Variants in SP3 observed in about 807,000 individuals in gnomAD.
The protein encoded by SP3 is transcription factor Sp3.
Under a neutral mutation model 70.3 loss-of-function variants are expected in SP3, and 10 were observed. The observed-to-expected ratio is 0.14, with a 90% CI of 0.09 to 0.24. The LOEUF is 0.24. Ranked by LOEUF, SP3 falls within the 10% of genes least tolerant of loss-of-function variation. SP3 has a pLI of 1.00. For synonymous variants in SP3, 402 were observed against 333.5 expected (o/e 1.21, Z -2.24); for missense variants, 825 against 914.6 (o/e 0.90, Z 1.26).
At chr2:173,944,220 C>A (rs890754500) in intron 4 of SP3, among the ~76,000 whole-genome samples, 3 of 152,188 alleles carry the variant, frequency 2.0e-5, no homozygotes, top group African/African-American at 7.2e-5. Context: ...AACAACGTCA[C>A]ATGTTAAGTA....
In SP3 at chr2:173,903,115, G is replaced by T. The variant is rs1471299492; in HGVS notation, c.*6826C>A. Reference sequence around the variant, plus strand: ...GTGGATCAAGGTGACTTAACAAGGTGAATTAACTCATTAATACAACAATAG... The same window carrying T: ...GTGGATCAAGGTGACTTAACAAGGTTAATTAACTCATTAATACAACAATAG... On this transcript the variant is annotated 3_prime_UTR_variant, in exon 7 of 7. Coordinates refer to ENST00000310015, the MANE Select transcript of SP3 (RefSeq NM_003111.5). Among the ~76,000 whole-genome samples the T allele has an allele frequency of 3.3e-5, 5 of 152,190 alleles. No homozygotes were observed. The highest frequency in any genetic ancestry group is 4.4e-5 in the Non-Finnish European group (3 of 68,032).
At chr2:173,935,908 T>C (rs1574411406) in intron 4 of SP3, among the ~76,000 whole-genome samples, 1 of 144,248 alleles carries the variant, frequency 6.9e-6, no homozygotes, top group East Asian at 1.9e-4. Flanking sequence ...GATTCATCTC[T>C]TGTATTCCTG....
rs1014972524 is a variant in SP3, at chr2:173,904,803, C to A, written c.*5138G>T. 6.6e-6 allele frequency among the ~76,000 whole-genome samples: 1 copy of A among 152,176 alleles called. No homozygotes were observed. Among genetic ancestry groups the A allele is most frequent in the Non-Finnish European group, 1.5e-5 (1 of 68,032 alleles). On this transcript the variant is annotated 3_prime_UTR_variant, in exon 7 of 7. Coordinates refer to ENST00000310015, the MANE Select transcript of SP3 (RefSeq NM_003111.5). ...CTAAAAGGTCACTAAGCCAATACTT[C>A]CTGTATTTCGTTGTTGTCGATTAAT...
Position 173,909,853 on chromosome 2 carries a change from C to T in SP3, c.*88G>A, listed in dbSNP as rs1309413757. ...TGTCAATCCAAAAATTTTTGCACAT[C>T]AATAAAAAGATATCTAAGAACTTAG... On this transcript the variant is annotated 3_prime_UTR_variant, in exon 7 of 7. Coordinates refer to ENST00000310015, the MANE Select transcript of SP3 (RefSeq NM_003111.5). The T allele has an allele frequency of 1.2e-5, 16 of 1,361,808 alleles. No individual in the cohort carries two copies. Among genetic ancestry groups the T allele is most frequent in the Non-Finnish European group, 1.6e-5 (16 of 1,001,192 alleles). The allele number at this position is 1,361,808 out of a possible 1,614,324, so 84.4% of individuals were successfully genotyped here.
In SP3 at chr2:173,904,620, CCAAGA is replaced by C. The variant is rs1036318093; in HGVS notation, c.*5316_*5320del. On this transcript the variant is annotated 3_prime_UTR_variant, in exon 7 of 7. Coordinates refer to ENST00000310015, the MANE Select transcript of SP3 (RefSeq NM_003111.5). The stretch of plus-strand genomic sequence containing the variant: ...CCATGTATGTTCCAGATGTGACCTC[CCAAGA>C]CATCAGTTTTCCAATTCCAAATTCT... Among the ~76,000 whole-genome samples, 14 of 152,286 alleles carry C rather than the reference CCAAGA, an allele frequency of 9.2e-5. No homozygotes were observed. The highest frequency in any genetic ancestry group is 5.8e-4 in the East Asian group (3 of 5,186).
intron 4 of SP3, among the ~76,000 whole-genome samples, chr2:173,937,887 G>A (rs1690250359): frequency 6.6e-6 from 1 of 151,950 alleles, no homozygotes; most frequent in South Asian, 2.1e-4. Flanking sequence ...ATTATGTACT[G>A]CTCAAAGATA....
rs886089625 is a variant in SP3 at position 173,904,746 on chromosome 2, C to T, written c.*5195G>A. On this transcript the variant is annotated 3_prime_UTR_variant, in exon 7 of 7. Transcript: ENST00000310015. ...TCACGGAAGGTGGCAGAAAGTAATG[C>T]TCAGAGAAGGGATGTAAGTCGGACA... 6.6e-6 allele frequency among the ~76,000 whole-genome samples: 1 copy of T among 152,210 alleles called. No individual in the cohort carries two copies. The highest frequency in any genetic ancestry group is 2.4e-5 in the African/African-American group (1 of 41,450).
At chr2:173,915,432 A>G (rs1421212322) in intron 5 of SP3, 3 of 152,214 alleles carry the variant, frequency 2.0e-5, no homozygotes, top group Non-Finnish European at 4.4e-5. Context: ...TAAAAGATTT[A>G]AAGTTTTCTT....
rs981953618 is a variant in SP3, at chr2:173,965,272, C to T, written c.-101G>A. ...AGAGGATGCGGGAAGCGGCGGCGGA[C>T]ACGGCCGGAGCGGTCCGGGGATTTT... On this transcript the variant is annotated 5_prime_UTR_variant, in exon 1 of 7. Coordinates refer to ENST00000310015, the MANE Select transcript of SP3 (RefSeq NM_003111.5). 4 of 1,379,376 alleles carry T rather than the reference C, an allele frequency of 2.9e-6. No homozygotes were observed. The highest frequency in any genetic ancestry group is 1.3e-5 in the South Asian group (1 of 79,846). The allele number at this position is 1,379,376 out of a possible 1,614,324, so 85.4% of individuals were successfully genotyped here.
chr2:173,963,792 G>T lies in SP3; in HGVS notation c.248C>A (p.Ala83Asp). 1 of 1,408,884 alleles carries T rather than the reference G, an allele frequency of 7.1e-7. No homozygotes were observed. The highest frequency in any genetic ancestry group is 9.4e-7 in the Non-Finnish European group (1 of 1,067,666). The allele number at this position is 1,408,884 out of a possible 1,614,324, so 87.3% of individuals were successfully genotyped here. The part of the protein sequence containing the change: ...SPGDDEEEAA[A>D]AAGAPAAAGA... ...GGCGGCGGCGGGGGCCCCGGCTGCG[G>T]CGGCCGCCTCCTCCTCGTCGTCGCC... Residue 83 changes from alanine (A) to aspartate (D), a missense_variant, in exon 3 of 7, where the codon GCC becomes GAC. This residue lies in a region of SP3 where 678 missense variants were observed against 651.6 expected (regional missense o/e 1.04). Transcript: ENST00000310015.
At chr2:173,950,658 T>TA (rs528534985) in intron 4 of SP3, among the ~76,000 whole-genome samples, 4,826 of 130,500 alleles carry the variant, frequency 0.037, 115 homozygotes, top group Middle Eastern at 0.073. Context: ...CCCTGTCTCT[T>TA]AAAAAAAAAA....
intron 4 of SP3, among the ~76,000 whole-genome samples, chr2:173,947,442 TAA>T (rs774424903): frequency 6.6e-6 from 1 of 151,354 alleles, no homozygotes; most frequent in Non-Finnish European, 1.5e-5. Context: ...ACTACCAGTT[TAA>T]AAAAAAAGAG....
intron 4 of SP3, among the ~76,000 whole-genome samples, chr2:173,948,004 T>G (rs1690596190): frequency 6.6e-6 from 1 of 152,188 alleles, no homozygotes; most frequent in South Asian, 2.1e-4. Context: ...CCGTAAATCT[T>G]CATTTAAGTC....
At chr2:173,913,440 G>A (rs956034492) in intron 5 of SP3, 174 bp from the exon 6 acceptor site, 5 of 434,972 alleles carry the variant, frequency 1.1e-5, no homozygotes, top group Admixed American at 4.3e-5. Context: ...TGTATTTCAA[G>A]CATATACATT....
chr2:173,941,460 A>C (rs938762574), intron 4 of SP3, among the ~76,000 whole-genome samples: 1 of 152,156 alleles, frequency 6.6e-6, no homozygotes, highest in African/African-American at 2.4e-5. Flanking sequence ...ATTACAAAAA[A>C]TTAGCCAGAC....
chr2:173,955,009 C>A lies in SP3; in HGVS notation c.1503G>T (p.Ala501=). 6.2e-7 allele frequency: 1 copy of A among 1,614,124 alleles called. No individual in the cohort carries two copies. Among genetic ancestry groups the A allele is most frequent in the Admixed American group, 1.7e-5 (1 of 60,018 alleles). ...GAGTTGAAGTGAAGGCTCCACCTGC[C>A]GCAACTTGACCAAGTGTGAGGGTTT... ...PVQTLTLGQV[A]AGGAFTSTPV... Residue 501 remains alanine (A), a synonymous_variant, in exon 4 of 7, where the codon GCG becomes GCT. Transcript: ENST00000310015.
In SP3 at chr2:173,956,684, G is replaced by A. The variant is rs149413001; in HGVS notation, c.280-452C>T. ...ATCAAACAATGAAATCTACTCTTTTGTGGCATCTATTAACATACTCTAAAG... is the reference window on the plus strand; with the variant it reads ...ATCAAACAATGAAATCTACTCTTTTATGGCATCTATTAACATACTCTAAAG... On this transcript the variant is annotated intron_variant, in intron 3 of 6. Coordinates refer to ENST00000310015, the MANE Select transcript of SP3 (RefSeq NM_003111.5). 9.5e-3 allele frequency among the ~76,000 whole-genome samples: 1,443 copies of A among 152,294 alleles called. 8 individuals are homozygous for A. Among genetic ancestry groups the A allele is most frequent in the Admixed American group, 0.025 (381 of 15,290 alleles).
At chr2:173,931,634 G>A (rs1373998670) in intron 4 of SP3, among the ~76,000 whole-genome samples, 1 of 152,062 alleles carries the variant, frequency 6.6e-6, no homozygotes, top group Non-Finnish European at 1.5e-5. Flanking sequence ...GAGCCACCAC[G>A]CCCAGCCGGA....
chr2:173,945,941 C>T (rs987869872), intron 4 of SP3, among the ~76,000 whole-genome samples: 6 of 152,038 alleles, frequency 3.9e-5, no homozygotes, highest in African/African-American at 7.3e-5. Context: ...GCCTGGCCAA[C>T]GTGGTGAAAT....
Sources: gnomAD v4.1 joint callset for allele counts (sites outside exome capture counted in the v4.1 genomes callset) on GRCh38, gnomAD v4.1.1 for gene constraint, gnomAD v4.1.1 regional missense constraint, MANE v1.5 for transcripts, NCBI Gene and HGNC (gene_info 2026-07-23, HGNC 2026-07-21) for gene names.